DDX1: variants seen among roughly 807,000 people sequenced by gnomAD.
DDX1 encodes DEAD-box helicase 1, also known as ATP-dependent RNA helicase DDX1.
Under a neutral mutation model 108.7 loss-of-function variants are expected in DDX1, and 28 were observed. That is an observed-to-expected ratio of 0.26 (90% CI 0.19 to 0.35). The LOEUF is 0.35. Ranked by LOEUF, DDX1 falls within the 10% of genes least tolerant of loss-of-function variation. DDX1 has a pLI of 1.00. For synonymous variants in DDX1, 295 were observed against 288.9 expected (o/e 1.02, Z -0.21); for missense variants, 710 against 884.5 (o/e 0.80, Z 2.50).
chr2:15,603,066 C>G, intron 7 of DDX1, 126 bp from the exon 8 acceptor site: 4 of 662,790 alleles, frequency 6.0e-6, no homozygotes, highest in South Asian at 2.1e-5. Flanking sequence ...TTTGATGGTA[C>G]AAATATACCT....
intron 9 of DDX1, 77 bp downstream of exon 9, chr2:15,603,967 G>A: frequency 4.4e-6 from 4 of 912,128 alleles, no homozygotes; most frequent in Non-Finnish European, 5.0e-6. Flanking sequence ...ACAGAATGAG[G>A]GTATACAAAT....
chr2:15,620,342 A>G lies in DDX1; in HGVS notation c.1341A>G (p.Pro447=). 1 of 1,614,034 alleles carries G rather than the reference A, an allele frequency of 6.2e-7. No individual in the cohort carries two copies. Among genetic ancestry groups the G allele is most frequent in the South Asian group, 1.1e-5 (1 of 91,040 alleles). Residue 447 remains proline, a synonymous_variant, in exon 17 of 26, where the codon CCA becomes CCG. Transcript: ENST00000233084. ...ATACTGTACACCATGTTGTTGTCCC[A>G]GTAAATCCCAAAACTGACAGACTCT... is the stretch of plus-strand genomic sequence containing the variant. ...VPDTVHHVVV[P]VNPKTDRLWE...
rs975065122 is a variant in DDX1 at position 15,612,838 on chromosome 2, C to A, written c.957-386C>A. Among the ~76,000 whole-genome samples the A allele has an allele frequency of 1.6e-3, 244 of 152,146 alleles. 9 individuals are homozygous for A. The highest frequency in any genetic ancestry group is 5.1e-4 in the Non-Finnish European group (35 of 68,024). ...CGGCCAACACAGCGAAACCCCGTCT[C>A]CACCAAAAAAATACGAAAACCAGTC... On this transcript the variant is annotated intron_variant, in intron 13 of 25. Coordinates refer to ENST00000233084, the MANE Select transcript of DDX1 (RefSeq NM_004939.3).
At chr2:15,630,144 A>G (rs1048288014) in intron 25 of DDX1, 34 bp downstream of exon 25, 1 of 1,608,794 alleles carries the variant, frequency 6.2e-7, no homozygotes, top group Non-Finnish European at 8.5e-7. Context: ...ACAATTTTAA[A>G]TGTAAATATA....
rs797006176 is a variant in DDX1 at position 15,602,428 on chromosome 2, AAATGAAGG to A, written c.308-116_308-109del. The A allele has an allele frequency of 1.0e-5, 7 of 683,682 alleles. No homozygotes were observed. The African/African-American group carries it at 1.3e-4, about 12-fold the overall frequency. 42.4% of individuals were successfully genotyped at this position (683,682 alleles called of 1,614,324 possible). ...GTCTCAGTCTCTGGAACATTGCAACAAATGAAGGAATTATCTTGTTAGTGAGACTGAAT... is the reference window on the plus strand; with the variant it reads ...GTCTCAGTCTCTGGAACATTGCAACAAATTATCTTGTTAGTGAGACTGAAT... On this transcript the variant is annotated intron_variant, in intron 6 of 25. Coordinates refer to ENST00000233084, the MANE Select transcript of DDX1 (RefSeq NM_004939.3).
intron 13 of DDX1, among the ~76,000 whole-genome samples, chr2:15,610,862 GTTT>G (rs35794915): frequency 6.7e-6 from 1 of 149,716 alleles, no homozygotes; most frequent in Admixed American, 6.6e-5. Flanking sequence ...CCCCAGACTT[GTTT>G]TTTTTTTTAT....
At chr2:15,621,010 C>A in intron 17 of DDX1, 55 bp from the exon 18 acceptor site, 2 of 1,095,334 alleles carry the variant, frequency 1.8e-6, no homozygotes, top group South Asian at 1.3e-5. Flanking sequence ...GACATATATT[C>A]TGAATCATTA....
At position 15,623,467 on chromosome 2, in the gene DDX1, A is replaced by AG; in HGVS notation, c.1483dup (p.Glu495GlyfsTer11). 3 of 1,613,558 alleles carry AG rather than the reference A, an allele frequency of 1.9e-6. No homozygotes were observed. Among genetic ancestry groups the AG allele is most frequent in the Non-Finnish European group, 2.5e-6 (3 of 1,179,674 alleles). The stretch of plus-strand genomic sequence containing the variant: ...GGTCTGAAGCTATTAAAATCCTGAA[A>AG]GGGGAGTATGCTGTCCGGGCAATCA... On this transcript the variant is annotated frameshift_variant, in exon 19 of 26. Coordinates refer to ENST00000233084, the MANE Select transcript of DDX1 (RefSeq NM_004939.3). LOFTEE classifies it high-confidence loss of function.
chr2:15,597,465 G>A lies in DDX1; in HGVS notation c.253G>A (p.Ala85Thr). ...KKGKTTIKTG[A>T]SVLNKWQMNP... ...AGGAAAAACAACAATTAAAACTGGTGCTTCAGGTAATTTTTGTAAATTGAT... is the reference window on the plus strand; with the variant it reads ...AGGAAAAACAACAATTAAAACTGGTACTTCAGGTAATTTTTGTAAATTGAT... The change falls in exon 5 of 26, where the codon GCT becomes ACT. Residue 85 changes from alanine (A) to threonine (T), a missense_variant. This residue lies in a region of DDX1 where 661 missense variants were observed against 810.2 expected (regional missense o/e 0.82). Transcript: ENST00000233084. 1 of 1,596,460 alleles carries A rather than the reference G, an allele frequency of 6.3e-7. No homozygotes were observed. Among genetic ancestry groups the A allele is most frequent in the Non-Finnish European group, 8.5e-7 (1 of 1,169,870 alleles).
rs1295373590 is a variant in DDX1 at position 15,607,369 on chromosome 2, G to C, written c.956+56G>C. The C allele has an allele frequency of 2.6e-6, 4 of 1,535,490 alleles. No homozygotes were observed. The Admixed American group carries it at 6.8e-5, about 26-fold the overall frequency. On this transcript the variant is annotated intron_variant, in intron 13 of 25. Transcript: ENST00000233084. Reference sequence around the variant, plus strand: ...TTGTCTTTTGGTTTGAAGTTTTTTGGAAGAAGAATAAGGTAGAGAAAAATG... The same window carrying C: ...TTGTCTTTTGGTTTGAAGTTTTTTGCAAGAAGAATAAGGTAGAGAAAAATG...
chr2:15,612,826 G>A (rs966364886), intron 13 of DDX1, among the ~76,000 whole-genome samples: 118 of 152,266 alleles, frequency 7.7e-4, no homozygotes, highest in Middle Eastern at 3.4e-3. Context: ...CCAACACAGC[G>A]AAACCCCGTC....
chr2:15,602,007 C>G (rs138319873), intron 6 of DDX1, among the ~76,000 whole-genome samples: 1 of 152,170 alleles, frequency 6.6e-6, no homozygotes, highest in Non-Finnish European at 1.5e-5. Context: ...TTTATTCATG[C>G]TTTCTCCTAG....
intron 20 of DDX1, 128 bp downstream of exon 20, chr2:15,627,273 T>TA: frequency 1.9e-6 from 1 of 536,600 alleles, no homozygotes; most frequent in Non-Finnish European, 3.3e-6. Context: ...CTACCCTAAC[T>TA]AATGTGTCAT....
chr2:15,602,643 G>A lies in DDX1; in HGVS notation c.391+12G>A. 6.4e-7 allele frequency: 1 copy of A among 1,562,958 alleles called. No individual in the cohort carries two copies. Among genetic ancestry groups the A allele is most frequent in the African/African-American group, 1.4e-5 (1 of 74,022 alleles). On this transcript the variant is annotated intron_variant, in intron 7 of 25. Transcript: ENST00000233084. Reference sequence around the variant, plus strand: ...AGGATTAATGAAAGGTATTTGAACAGCATCTGCACTTGTATAAACTTTTGA... The same window carrying A: ...AGGATTAATGAAAGGTATTTGAACAACATCTGCACTTGTATAAACTTTTGA...
At chr2:15,611,716 G>A (rs1288276147) in intron 13 of DDX1, among the ~76,000 whole-genome samples, 10 of 107,796 alleles carry the variant, frequency 9.3e-5, no homozygotes, top group African/African-American at 1.8e-4. Flanking sequence ...CCTCCCGGAC[G>A]GGGCGACTGG....
intron 19 of DDX1, among the ~76,000 whole-genome samples, chr2:15,624,576 A>G (rs574499400): frequency 6.6e-6 from 1 of 152,316 alleles, no homozygotes; most frequent in East Asian, 1.9e-4. Context: ...CTCCGTCACT[A>G]TCACGAGAAC....
In DDX1 at chr2:15,602,638, G is replaced by T; in HGVS notation, c.391+7G>T. 6.3e-7 allele frequency: 1 copy of T among 1,580,550 alleles called. No homozygotes were observed. The highest frequency in any genetic ancestry group is 1.1e-5 in the South Asian group (1 of 90,328). On this transcript the variant is annotated splice_region_variant and intron_variant, in intron 7 of 25. Coordinates refer to ENST00000233084, the MANE Select transcript of DDX1 (RefSeq NM_004939.3). The stretch of plus-strand genomic sequence containing the variant: ...ACTAAAGGATTAATGAAAGGTATTT[G>T]AACAGCATCTGCACTTGTATAAACT...
chr2:15,601,334 C>G (rs758611399), intron 6 of DDX1, among the ~76,000 whole-genome samples: 1 of 152,072 alleles, frequency 6.6e-6, no homozygotes, highest in Non-Finnish European at 1.5e-5. Flanking sequence ...ATTCTGACAC[C>G]GTCTTCATGA....
intron 13 of DDX1, among the ~76,000 whole-genome samples, chr2:15,610,141 A>G (rs1665728472): frequency 6.6e-6 from 1 of 152,180 alleles, no homozygotes; most frequent in Admixed American, 6.5e-5. Flanking sequence ...TATGTTGTGC[A>G]GGCTGGTCTC....
Sources: gnomAD v4.1 joint callset for allele counts (sites outside exome capture counted in the v4.1 genomes callset) on GRCh38, gnomAD v4.1.1 for gene constraint, gnomAD v4.1.1 regional missense constraint, MANE v1.5 for transcripts, NCBI Gene and HGNC (gene_info 2026-07-23, HGNC 2026-07-21) for gene names.